The following WAPL variants were observed in gnomAD, a reference collection of about 807,000 sequenced individuals.
WAPL encodes WAPL cohesin release factor, also known as wings apart-like protein homolog.
Under a neutral mutation model 121.0 loss-of-function variants are expected in WAPL, and 5 were observed. The observed-to-expected ratio is 0.04, with a 90% CI of 0.02 to 0.09. The LOEUF is 0.09. Among genes scored for constraint, WAPL ranks in the 10% least tolerant of loss-of-function variants. The pLI, the probability that WAPL is intolerant of heterozygous loss-of-function variation, is 1.00. For synonymous variants in WAPL, 480 were observed against 481.5 expected, an observed-to-expected ratio of 1.00 and a Z score of 0.04; for missense variants, 999 against 1,410.8, an observed-to-expected ratio of 0.71 and a Z score of 4.68.
intron 2 of WAPL, among the ~76,000 whole-genome samples, chr10:86,515,668 G>C (rs940258015): frequency 6.6e-6 from 1 of 151,884 alleles, no homozygotes; most frequent in Non-Finnish European, 1.5e-5. Context: ...TATAATCCCA[G>C]CTACTGGGGA....
At chr10:86,483,243 A>G (rs1841834878) in intron 4 of WAPL, among the ~76,000 whole-genome samples, 1 of 152,148 alleles carries the variant, frequency 6.6e-6, no homozygotes, top group Admixed American at 6.5e-5. Context: ...CAACATGGAA[A>G]AACCCTGCCT....
chr10:86,465,210 G>A (rs1397687952), intron 9 of WAPL, among the ~76,000 whole-genome samples: 2 of 151,684 alleles, frequency 1.3e-5, no homozygotes, highest in African/African-American at 4.8e-5. Flanking sequence ...GGTTTTTTTT[G>A]GAGACGTAGT....
At chr10:86,503,850 T>A (rs1276911933) in intron 2 of WAPL, among the ~76,000 whole-genome samples, 1 of 151,876 alleles carries the variant, frequency 6.6e-6, no homozygotes, top group Non-Finnish European at 1.5e-5. Context: ...TCCTTACACA[T>A]CAGTAAGTCC....
intron 9 of WAPL, chr10:86,467,067 T>G: frequency 1.9e-6 from 1 of 515,280 alleles, no homozygotes; most frequent in Non-Finnish European, 3.5e-6. Flanking sequence ...GTGCAACTAT[T>G]TATTGGGCAA....
At chr10:86,448,526 A>G (rs1457004165) in intron 15 of WAPL, among the ~76,000 whole-genome samples, 2 of 152,222 alleles carry the variant, frequency 1.3e-5, no homozygotes, top group Non-Finnish European at 2.9e-5. Context: ...GTTGACATGA[A>G]GAGCTCAGGA....
chr10:86,476,668 G>A (rs183986939), intron 4 of WAPL, among the ~76,000 whole-genome samples: 1,521 of 148,034 alleles, frequency 0.01, 12 homozygotes, highest in Admixed American at 0.02. Flanking sequence ...CAGCCTGGGC[G>A]ACAAAGCGAG....
Position 86,435,603 on chromosome 10 carries a change from C to T in WAPL, c.*1940G>A, listed in dbSNP as rs1373756960. 6.6e-6 allele frequency: 1 copy of T among 152,548 alleles called. No homozygotes were observed. Among genetic ancestry groups the T allele is most frequent in the African/African-American group, 2.4e-5 (1 of 41,400 alleles). 9.4% of individuals were successfully genotyped at this position (152,548 alleles called of 1,614,324 possible). On this transcript the variant is annotated 3_prime_UTR_variant, in exon 19 of 19. Coordinates refer to ENST00000298767, the MANE Select transcript of WAPL (RefSeq NM_015045.5). Reference sequence around the variant, plus strand: ...AGTGATTATCTCCCCCACCACCTCCCCCCACCAAAATCTGCATCTCTATCA... The same window carrying T: ...AGTGATTATCTCCCCCACCACCTCCTCCCACCAAAATCTGCATCTCTATCA...
intron 2 of WAPL, among the ~76,000 whole-genome samples, chr10:86,504,985 TTAATA>T (rs143145521): frequency 0.021 from 3,120 of 152,114 alleles, 120 homozygotes; most frequent in African/African-American, 0.071. Flanking sequence ...AATTTTATCT[TTAATA>T]TATACAGCAT....
chr10:86,446,581 G>A, intron 15 of WAPL, 132 bp from the exon 16 acceptor site: 1 of 1,044,570 alleles, frequency 9.6e-7, no homozygotes. Context: ...AAAGAGGTGA[G>A]TATAAGTAAA....
At chr10:86,453,874 T>A (rs774954496) in intron 12 of WAPL, 43 bp from the exon 13 acceptor site, 1 of 1,399,698 alleles carries the variant, frequency 7.1e-7, no homozygotes, top group Admixed American at 2.9e-5. Context: ...TAAATAATAA[T>A]AGGTACACAG....
chr10:86,512,363 TATGTAGAC>T lies in WAPL; in HGVS notation c.499+5200_499+5207del, dbSNP rs1589542011. Among the ~76,000 whole-genome samples the T allele has an allele frequency of 2.0e-5, 3 of 152,216 alleles. No homozygotes were observed. The East Asian group carries it at 5.8e-4, about 29-fold the overall frequency. On this transcript the variant is annotated intron_variant, in intron 2 of 18. Coordinates refer to ENST00000298767, the MANE Select transcript of WAPL (RefSeq NM_015045.5). ...GTAGTTATCTCAATATTTGGCAGGATATGTAGACTGAATCCCAGCTGGCTGGCAAGAAA... is the reference window on the plus strand; with the variant it reads ...GTAGTTATCTCAATATTTGGCAGGATTGAATCCCAGCTGGCTGGCAAGAAA...
rs1448664097 is a variant in WAPL, at chr10:86,500,586, T to C, written c.657A>G (p.Pro219=). The change falls in exon 3 of 19, where the codon CCA becomes CCG. Residue 219 remains proline (P), a synonymous_variant. Transcript: ENST00000298767. ...DTWNSQFGKR[P]ESPSEISPIK... Reference sequence around the variant, plus strand: ...TTGGAGATATTTCTGATGGTGATTCTGGCCTTTTCCCAAACTGGGAGTTCC... The same window carrying C: ...TTGGAGATATTTCTGATGGTGATTCCGGCCTTTTCCCAAACTGGGAGTTCC... 1.2e-6 allele frequency: 2 copies of C among 1,614,204 alleles called. No individual in the cohort carries two copies. The highest frequency in any genetic ancestry group is 1.7e-6 in the Non-Finnish European group (2 of 1,180,038).
intron 17 of WAPL, among the ~76,000 whole-genome samples, chr10:86,439,289 T>A (rs771132574): frequency 1.1e-4 from 16 of 152,192 alleles, no homozygotes; most frequent in Admixed American, 7.9e-4. Flanking sequence ...ACTCATGTGC[T>A]GAAGATATCA....
intron 18 of WAPL, 95 bp downstream of exon 18, chr10:86,437,825 T>G (rs1456399703): frequency 9.3e-7 from 1 of 1,073,584 alleles, no homozygotes; most frequent in East Asian, 2.5e-5. Flanking sequence ...GAAAATCCCT[T>G]TTTGCTCCCA....
rs766612134 is a variant in WAPL, at chr10:86,472,674, T to A, written c.1831A>T (p.Ile611Leu). ...PPSKVIKTVT[I>L]PTQPYQDIVT... ...ATATCTTGGTAGGGCTGAGTAGGTA[T>A]TGTCACAGTTTTTATCACTTTGGAT... Residue 611 changes from isoleucine to leucine, a missense_variant, in exon 6 of 19, where the codon ATA becomes TTA. By Grantham distance (5) the Ile-to-Leu change is conservative (BLOSUM62 2). Coordinates refer to ENST00000298767, the MANE Select transcript of WAPL (RefSeq NM_015045.5). This position sits in a 1 kb window ranked among gnomAD's most constrained non-coding sequence, Gnocchi z 4.2. 9.9e-6 allele frequency: 16 copies of A among 1,613,838 alleles called. No homozygotes were observed. The Admixed American group carries it at 2.2e-4, about 22-fold the overall frequency.
At chr10:86,462,800 C>T (rs1242653136) in intron 9 of WAPL, among the ~76,000 whole-genome samples, 2 of 149,258 alleles carry the variant, frequency 1.3e-5, no homozygotes, top group African/African-American at 2.5e-5. Context: ...AAAACAGATA[C>T]AATTGTGCCC....
chr10:86,512,267 A>G (rs1172429655), intron 2 of WAPL, among the ~76,000 whole-genome samples: 3 of 152,244 alleles, frequency 2.0e-5, no homozygotes, highest in Non-Finnish European at 4.4e-5. Flanking sequence ...ACAAATACTC[A>G]TTACAGCTTT....
At chr10:86,450,018 T>C (rs1476578975) in intron 15 of WAPL, among the ~76,000 whole-genome samples, 2 of 152,194 alleles carry the variant, frequency 1.3e-5, no homozygotes, top group Non-Finnish European at 2.9e-5. Flanking sequence ...ATGGTGAAAC[T>C]GAATAAGGTC....
At chr10:86,484,682 G>T (rs1181117397) in intron 4 of WAPL, among the ~76,000 whole-genome samples, 1 of 152,106 alleles carries the variant, frequency 6.6e-6, no homozygotes, top group African/African-American at 2.4e-5. Flanking sequence ...CTCCATTCAT[G>T]GTTAAGTGTC....
Sources: gnomAD v4.1 joint callset for allele counts (sites outside exome capture counted in the v4.1 genomes callset) on GRCh38, gnomAD v4.1.1 for gene constraint, Gnocchi (gnomAD v3.1) non-coding constraint, MANE v1.5 for transcripts, NCBI Gene and HGNC (gene_info 2026-07-23, HGNC 2026-07-21) for gene names.